Variants in CAVIN1 observed in about 807,000 individuals in gnomAD.
CAVIN1 encodes the protein caveolae associated protein 1, also known as caveolae-associated protein 1.
In CAVIN1, 16 loss-of-function variants were observed where a neutral mutation model predicts 24.0. The ratio of observed to expected loss-of-function variants is 0.67; its 90% confidence interval spans 0.45 to 1.01. The LOEUF is 1.01. Among genes scored for constraint, CAVIN1 ranks in the 50% least tolerant of loss-of-function variants. CAVIN1 has a pLI of 0.00. For synonymous variants in CAVIN1, 256 were observed against 256.4 expected (o/e 1.00, Z 0.02); for missense variants, 510 against 551.7 (o/e 0.92, Z 0.76).
At chr17:42,405,682 G>GTTTGTTTTTTT (rs2085441102) in intron 1 of CAVIN1, among the ~76,000 whole-genome samples, 8 of 57,822 alleles carry the variant, frequency 1.4e-4, no homozygotes, top group African/African-American at 3.9e-4. Flanking sequence ...CTCTCTCCTT[G>GTTTGTTTTTTT]TTTTTTTTTT....
intron 1 of CAVIN1, among the ~76,000 whole-genome samples, chr17:42,414,975 A>C (rs555139510): frequency 1.2e-5 from 1 of 83,028 alleles, no homozygotes; most frequent in East Asian, 3.1e-4. Flanking sequence ...CCCCTCCCCT[A>C]CACCTCTCCC....
At chr17:42,413,187 G>C (rs1380975382) in intron 1 of CAVIN1, among the ~76,000 whole-genome samples, 1 of 149,518 alleles carries the variant, frequency 6.7e-6, no homozygotes, top group Non-Finnish European at 1.5e-5. Context: ...CCCTCCTTGG[G>C]CTCCCAAAGT....
intron 1 of CAVIN1, among the ~76,000 whole-genome samples, chr17:42,416,638 A>T (rs148935568): frequency 6.8e-4 from 102 of 149,022 alleles, no homozygotes; most frequent in African/African-American, 2.4e-3. Flanking sequence ...GAACCCAGGG[A>T]TAGCATGATT....
At chr17:42,416,390 G>C (rs1461224070) in intron 1 of CAVIN1, among the ~76,000 whole-genome samples, 2 of 151,234 alleles carry the variant, frequency 1.3e-5, no homozygotes, top group Non-Finnish European at 2.9e-5. Flanking sequence ...GAGAGAGAGA[G>C]AGAGAAAAGA....
chr17:42,410,749 T>A (rs1172157962), intron 1 of CAVIN1, among the ~76,000 whole-genome samples: 2 of 151,322 alleles, frequency 1.3e-5, no homozygotes, highest in South Asian at 4.2e-4. Context: ...CCGTCTCTAC[T>A]AAAAATACAA....
rs1280903662 is a variant in CAVIN1, at chr17:42,405,097, T to C, written c.763A>G (p.Thr255Ala). The C allele has an allele frequency of 1.9e-6, 3 of 1,613,948 alleles. No homozygotes were observed. The highest frequency in any genetic ancestry group is 2.2e-5 in the East Asian group (1 of 44,828). ...AGGTTTTCCTTGGTCTTGAGGCGCG[T>C]CTTCTCCAGGTTCTCGCGGGTACGC... ...KVRTRENLEK[T>A]RLKTKENLEK... Residue 255 changes from threonine to alanine, a missense_variant, in exon 2 of 2, where the codon ACG (threonine) becomes GCG (alanine). Transcript: ENST00000357037.
At chr17:42,410,598 G>A (rs1001487281) in intron 1 of CAVIN1, among the ~76,000 whole-genome samples, 3 of 152,094 alleles carry the variant, frequency 2.0e-5, no homozygotes, top group African/African-American at 7.2e-5. Context: ...TTTCGTGAGG[G>A]AGATGAACAG....
At chr17:42,422,547 G>A (rs2085557878) in intron 1 of CAVIN1, 80 bp downstream of exon 1, 1 of 1,056,206 alleles carries the variant, frequency 9.5e-7, no homozygotes, top group Non-Finnish European at 1.3e-6. Flanking sequence ...GCCACGGGCA[G>A]GTCTCCCCAC....
At chr17:42,408,990 C>A (rs886897413) in intron 1 of CAVIN1, among the ~76,000 whole-genome samples, 3 of 151,872 alleles carry the variant, frequency 2.0e-5, no homozygotes, top group Non-Finnish European at 4.4e-5. Context: ...CAGGGTTTCA[C>A]CATGTTGGCC....
Position 42,405,003 on chromosome 17 carries a change from C to A in CAVIN1, c.857G>T (p.Arg286Leu). 6.2e-7 allele frequency: 1 copy of A among 1,614,148 alleles called. No individual in the cohort carries two copies. Among genetic ancestry groups the A allele is most frequent in the Non-Finnish European group, 8.5e-7 (1 of 1,180,010 alleles). ...KLGTRLVPAE[R>L]REKLKTSRDK... is the part of the protein sequence containing the mutation. ...CCGCGACGTCTTCAGTTTCTCGCGC[C>A]GCTCGGCGGGCACCAGGCGCGTGCC... is the stretch of plus-strand genomic sequence containing the variant. The change falls in exon 2 of 2, where the codon CGG (arginine) becomes CTG (leucine). Residue 286 changes from arginine (R) to leucine (L), a missense_variant. Coordinates refer to ENST00000357037, the MANE Select transcript of CAVIN1 (RefSeq NM_012232.6).
chr17:42,405,682 G>GTTTTTTTT (rs531661585), intron 1 of CAVIN1, among the ~76,000 whole-genome samples: 7 of 57,824 alleles, frequency 1.2e-4, no homozygotes, highest in African/African-American at 2.4e-4. Context: ...CTCTCTCCTT[G>GTTTTTTTT]TTTTTTTTTT....
Position 42,410,006 on chromosome 17 carries a change from G to A in CAVIN1, c.472-4618C>T, listed in dbSNP as rs567844439. On this transcript the variant is annotated intron_variant, in intron 1 of 1. Coordinates refer to ENST00000357037, the MANE Select transcript of CAVIN1 (RefSeq NM_012232.6). ...CTCAATCCTCGATGGATGCAGAGGA[G>A]CCACAGGGAGGCTCCCAGCCTCTTC... Among the ~76,000 whole-genome samples the A allele has an allele frequency of 2.6e-4, 39 of 152,286 alleles. 1 individual carries two copies. The South Asian group carries it at 5.6e-3, about 22-fold the overall frequency.
intron 1 of CAVIN1, among the ~76,000 whole-genome samples, chr17:42,412,680 C>T (rs953290949): frequency 2.0e-5 from 3 of 151,610 alleles, no homozygotes; most frequent in South Asian, 2.1e-4. Flanking sequence ...TGCAGTGGCA[C>T]GATCTTGGCT....
intron 1 of CAVIN1, among the ~76,000 whole-genome samples, chr17:42,419,020 C>T (rs1398891144): frequency 1.3e-5 from 2 of 151,986 alleles, no homozygotes; most frequent in African/African-American, 2.4e-5. Context: ...AGTGAGACCC[C>T]GGACTCTACA....
At chr17:42,411,590 T>TTAC in intron 1 of CAVIN1, 1 of 985,110 alleles carries the variant, frequency 1.0e-6, no homozygotes, top group Middle Eastern at 5.2e-4. Context: ...CTGGAGAAAA[T>TTAC]ACGTGTAAAT....
intron 1 of CAVIN1, chr17:42,411,860 C>T: frequency 1.0e-6 from 1 of 985,378 alleles, no homozygotes; most frequent in Non-Finnish European, 1.2e-6. Context: ...CCTCCCATCC[C>T]CACTGTATAC....
chr17:42,419,882 CGT>C (rs5820458), intron 1 of CAVIN1, among the ~76,000 whole-genome samples: 11,481 of 143,238 alleles, frequency 0.08, 452 homozygotes, highest in East Asian at 0.2. Flanking sequence ...TGCTGAATTT[CGT>C]GTGTGTGTGT....
chr17:42,421,294 C>T (rs760103671), intron 1 of CAVIN1, among the ~76,000 whole-genome samples: 34 of 152,286 alleles, frequency 2.2e-4, no homozygotes, highest in Admixed American at 9.2e-4. Flanking sequence ...GACCCCCTCG[C>T]CTCACCCCAG....
chr17:42,422,626 C>A lies in CAVIN1; in HGVS notation c.471+1G>T, dbSNP rs866504928. 6.4e-7 allele frequency: 1 copy of A among 1,569,274 alleles called. No individual in the cohort carries two copies. Among genetic ancestry groups the A allele is most frequent in the Admixed American group, 1.9e-5 (1 of 53,402 alleles). On this transcript the variant is annotated splice_donor_variant, in intron 1 of 1. Coordinates refer to ENST00000357037, the MANE Select transcript of CAVIN1 (RefSeq NM_012232.6). LOFTEE classifies it high-confidence loss of function. ...GGGCGCCTTCCGCCCTGTGGGCTCA[C>A]CTGGTAGATCATGACTTTAAAGTTG...
Sources: gnomAD v4.1 joint callset for allele counts (sites outside exome capture counted in the v4.1 genomes callset) on GRCh38, gnomAD v4.1.1 for gene constraint, MANE v1.5 for transcripts, NCBI Gene and HGNC (gene_info 2026-07-23, HGNC 2026-07-21) for gene names.